The following CPD variants were observed in gnomAD, a reference collection of about 807,000 sequenced individuals.
CPD encodes the protein metallocarboxypeptidase D.
In CPD, 69 loss-of-function variants were observed where a neutral mutation model predicts 138.3. That is an observed-to-expected ratio of 0.50 (90% CI 0.41 to 0.61). The LOEUF is 0.61. Among genes scored for constraint, CPD ranks in the 20% least tolerant of loss-of-function variants. The pLI is 0.00. For synonymous variants in CPD, 651 were observed against 642.1 expected (o/e 1.01, Z -0.21); for missense variants, 1,432 against 1,733.3 (o/e 0.83, Z 3.09).
Position 30,379,011 on chromosome 17 carries a change from T to C in CPD, c.31T>C (p.Trp11Arg). 6.4e-7 allele frequency: 1 copy of C among 1,551,216 alleles called. No individual in the cohort carries two copies. Among genetic ancestry groups the C allele is most frequent in the Non-Finnish European group, 8.6e-7 (1 of 1,158,142 alleles). MASGRDERPPWRLGRLLLLMC... is the reference protein window; with the variant it reads MASGRDERPPRRLGRLLLLMC... The stretch of plus-strand genomic sequence containing the variant: ...GAGCGGCCGGGACGAGCGGCCGCCT[T>C]GGCGGCTAGGGCGGCTCCTGTTGCT... The change falls in exon 1 of 21, where the codon TGG (tryptophan) becomes CGG (arginine). Residue 11 changes from tryptophan (W) to arginine (R), a missense_variant. Trp to Arg is a moderately radical substitution (Grantham distance 101, BLOSUM62 -3). Coordinates refer to ENST00000225719, the MANE Select transcript of CPD (RefSeq NM_001304.5). This position sits in a 1 kb window ranked among gnomAD's most constrained non-coding sequence, Gnocchi z 7.0.
At chr17:30,387,607 T>C (rs1251388155) in intron 2 of CPD, among the ~76,000 whole-genome samples, 1 of 152,230 alleles carries the variant, frequency 6.6e-6, no homozygotes, top group Non-Finnish European at 1.5e-5. Context: ...AAATTTTTTC[T>C]TTTCTAGGAG....
chr17:30,435,200 G>A (rs898567300), intron 8 of CPD, among the ~76,000 whole-genome samples: 8 of 152,064 alleles, frequency 5.3e-5, no homozygotes, highest in African/African-American at 1.9e-4. Context: ...AATTATCTCT[G>A]AAATGAAGAA....
At chr17:30,425,055 A>G (rs1288542272) in intron 6 of CPD, among the ~76,000 whole-genome samples, 2 of 152,138 alleles carry the variant, frequency 1.3e-5, no homozygotes, top group Non-Finnish European at 2.9e-5. Flanking sequence ...AGTCCCTTCT[A>G]CATACTCCCC....
At chr17:30,455,601 A>G (rs2143498333) in intron 15 of CPD, 131 bp downstream of exon 15, 1 of 984,198 alleles carries the variant, frequency 1.0e-6, no homozygotes, top group South Asian at 1.7e-5. Context: ...TACCAACCAA[A>G]GAAGATTGTA....
At chr17:30,446,364 C>G (rs1388308568) in intron 12 of CPD, among the ~76,000 whole-genome samples, 2 of 151,990 alleles carry the variant, frequency 1.3e-5, no homozygotes, top group Non-Finnish European at 2.9e-5. Flanking sequence ...TGTGATGTTC[C>G]CCTTCCTGTG....
intron 12 of CPD, among the ~76,000 whole-genome samples, chr17:30,446,390 T>C: frequency 6.6e-6 from 1 of 152,146 alleles, no homozygotes. Flanking sequence ...GTGTTCTCAT[T>C]GTTCAGTTCC....
At chr17:30,429,728 G>A (rs1363529191) in intron 7 of CPD, among the ~76,000 whole-genome samples, 1 of 152,148 alleles carries the variant, frequency 6.6e-6, no homozygotes, top group Non-Finnish European at 1.5e-5. Flanking sequence ...AATACCTTGT[G>A]GAAAAGTGAC....
chr17:30,428,489 A>G (rs1912480952), intron 7 of CPD, among the ~76,000 whole-genome samples: 2 of 152,242 alleles, frequency 1.3e-5, no homozygotes, highest in Non-Finnish European at 2.9e-5. Flanking sequence ...TGTCCTTACA[A>G]TGAATATTAT....
intron 10 of CPD, among the ~76,000 whole-genome samples, chr17:30,443,070 G>T (rs1368201141): frequency 7.9e-5 from 12 of 151,888 alleles, no homozygotes; most frequent in Admixed American, 7.9e-4. Flanking sequence ...GAAAAGTTAT[G>T]ACTAGCCAAT....
At chr17:30,380,694 A>T (rs1911017433) in intron 1 of CPD, 1 of 1,265,014 alleles carries the variant, frequency 7.9e-7, no homozygotes, top group African/African-American at 1.5e-5. Context: ...CACTGGCAAG[A>T]TGTGTGTGGG....
intron 2 of CPD, among the ~76,000 whole-genome samples, chr17:30,402,687 CT>C (rs1301797440): frequency 3.3e-5 from 5 of 152,144 alleles, no homozygotes; most frequent in South Asian, 2.1e-4. Context: ...TGTCTGTTGA[CT>C]TTTTTTCTTT....
rs755506080 is a variant in CPD at position 30,461,172 on chromosome 17, T to C, written c.3499-8T>C. On this transcript the variant is annotated splice_polypyrimidine_tract_variant and splice_region_variant and intron_variant, in intron 17 of 20. Transcript: ENST00000225719. Reference sequence around the variant, plus strand: ...TTCCCACATTTGATTTTGAACTTTATATTCTAGGATTATAGTGTCACCTAT... The same window carrying C: ...TTCCCACATTTGATTTTGAACTTTACATTCTAGGATTATAGTGTCACCTAT... 4 of 1,574,434 alleles carry C rather than the reference T, an allele frequency of 2.5e-6. No individual in the cohort carries two copies. Among genetic ancestry groups the C allele is most frequent in the Non-Finnish European group, 3.4e-6 (4 of 1,163,674 alleles).
intron 2 of CPD, among the ~76,000 whole-genome samples, chr17:30,418,314 A>G (rs1264122017): frequency 1.3e-5 from 2 of 151,980 alleles, no homozygotes; most frequent in African/African-American, 4.8e-5. Flanking sequence ...CTGAGTAGCT[A>G]TGATGACAGG....
At chr17:30,448,539 T>C (rs922884731) in intron 12 of CPD, among the ~76,000 whole-genome samples, 2 of 152,228 alleles carry the variant, frequency 1.3e-5, no homozygotes, top group African/African-American at 2.4e-5. Context: ...CTAAGTACCA[T>C]TGAATAGCGT....
chr17:30,395,322 A>G (rs963700294), intron 2 of CPD, among the ~76,000 whole-genome samples: 25 of 151,890 alleles, frequency 1.6e-4, no homozygotes, highest in African/African-American at 6.0e-4. Flanking sequence ...TACAGTTGAT[A>G]ATCAAATGTG....
At chr17:30,385,284 T>C in intron 2 of CPD, 48 bp downstream of exon 2, 2 of 1,604,490 alleles carry the variant, frequency 1.2e-6, no homozygotes, top group African/African-American at 2.7e-5. Flanking sequence ...GTTCGTTGAA[T>C]TTTGTTATGT....
rs192280271 is a variant in CPD at position 30,437,451 on chromosome 17, G to A, written c.2128-1524G>A. Among the ~76,000 whole-genome samples the A allele has an allele frequency of 5.3e-5, 8 of 152,188 alleles. No individual in the cohort carries two copies. The South Asian group carries it at 1.2e-3, about 24-fold the overall frequency. On this transcript the variant is annotated intron_variant, in intron 8 of 20. Transcript: ENST00000225719. ...TGTAATCTCAACACTTTGGGAGGCC[G>A]AGGTGGGCAGATTCGTTGAGCCCAG... is the stretch of plus-strand genomic sequence containing the variant.
At chr17:30,404,766 T>G (rs763837338) in intron 2 of CPD, among the ~76,000 whole-genome samples, 26 of 152,136 alleles carry the variant, frequency 1.7e-4, no homozygotes, top group Non-Finnish European at 3.2e-4. Flanking sequence ...TTAAAATTTC[T>G]GATGGCAGCT....
intron 2 of CPD, among the ~76,000 whole-genome samples, chr17:30,403,354 T>G (rs7225493): frequency 0.013 from 1,905 of 152,244 alleles, 34 homozygotes; most frequent in African/African-American, 0.044. Flanking sequence ...GTGTGCTGTT[T>G]AAGGTCAGAC....
Sources: gnomAD v4.1 joint callset for allele counts (sites outside exome capture counted in the v4.1 genomes callset) on GRCh38, gnomAD v4.1.1 for gene constraint, Gnocchi (gnomAD v3.1) non-coding constraint, MANE v1.5 for transcripts, NCBI Gene and HGNC (gene_info 2026-07-23, HGNC 2026-07-21) for gene names.